The following SAMD3 variants were observed in gnomAD, a reference collection of about 807,000 sequenced individuals.
SAMD3 encodes sterile alpha motif domain containing 3, also known as sterile alpha motif domain-containing protein 3.
In SAMD3, 63 loss-of-function variants were observed where a neutral mutation model predicts 58.5. That is an observed-to-expected ratio of 1.08 (90% confidence interval 0.88 to 1.33). The LOEUF (loss-of-function observed/expected upper bound fraction) is 1.33, where lower values mean the gene tolerates loss of function less well. Among genes scored for constraint, SAMD3 ranks in the 40% most tolerant of loss-of-function variants. SAMD3 has a pLI of 0.00. For missense variants in SAMD3, 604 were observed against 608.4 expected, an observed-to-expected ratio of 0.99 and a Z score of 0.08; for synonymous variants, 220 against 210.3, an observed-to-expected ratio of 1.05 and a Z score of -0.40.
At chr6:130,317,795 G>A (rs539298253) in intron 1 of SAMD3, among the ~76,000 whole-genome samples, 8 of 152,332 alleles carry the variant, frequency 5.3e-5, no homozygotes, top group African/African-American at 1.7e-4. Flanking sequence ...CTGGAGAGAT[G>A]AGAAATAAGC....
intron 8 of SAMD3, among the ~76,000 whole-genome samples, chr6:130,162,767 C>T (rs909497559): frequency 6.6e-6 from 1 of 152,158 alleles, no homozygotes; most frequent in African/African-American, 2.4e-5. Context: ...GGACATACTC[C>T]TGGCTAACTA....
At chr6:130,186,767 ATTTTTTTTT>A (rs35592601) in intron 5 of SAMD3, among the ~76,000 whole-genome samples, 1 of 107,036 alleles carries the variant, frequency 9.3e-6, no homozygotes, top group South Asian at 3.3e-4. Flanking sequence ...CCTTCCTGGG[ATTTTTTTTT>A]TTTTTTTTTT....
At chr6:130,258,585 A>C (rs1362258592) in intron 2 of SAMD3, among the ~76,000 whole-genome samples, 1 of 152,200 alleles carries the variant, frequency 6.6e-6, no homozygotes, top group Non-Finnish European at 1.5e-5. Context: ...TTATCACAAC[A>C]ATCAAGATAA....
chr6:130,305,376 T>G (rs939004055), intron 2 of SAMD3, among the ~76,000 whole-genome samples: 9 of 152,190 alleles, frequency 5.9e-5, no homozygotes, highest in African/African-American at 2.2e-4. Flanking sequence ...ATAGTATTTG[T>G]TCTCAATTTT....
intron 2 of SAMD3, among the ~76,000 whole-genome samples, chr6:130,263,666 A>G (rs865911675): frequency 1.3e-5 from 2 of 152,200 alleles, no homozygotes; most frequent in African/African-American, 4.8e-5. Flanking sequence ...AACATAACCA[A>G]GTCAATTTCG....
chr6:130,276,278 G>A (rs1774772972), intron 2 of SAMD3, among the ~76,000 whole-genome samples: 1 of 152,150 alleles, frequency 6.6e-6, no homozygotes, highest in South Asian at 2.1e-4. Flanking sequence ...TCTGATTCCA[G>A]AGTTCTGACT....
intron 5 of SAMD3, among the ~76,000 whole-genome samples, chr6:130,191,896 T>C (rs907538961): frequency 8.5e-5 from 13 of 152,360 alleles, no homozygotes; most frequent in African/African-American, 3.1e-4. Flanking sequence ...TCAGATCCAG[T>C]CCAGACACAA....
At chr6:130,317,029 G>A (rs1011052028) in intron 1 of SAMD3, among the ~76,000 whole-genome samples, 2 of 152,152 alleles carry the variant, frequency 1.3e-5, no homozygotes, top group Non-Finnish European at 2.9e-5. Flanking sequence ...TCTGACTCCT[G>A]GTCTGTGGAT....
chr6:130,258,143 T>A (rs976550319), intron 2 of SAMD3, among the ~76,000 whole-genome samples: 11 of 152,190 alleles, frequency 7.2e-5, no homozygotes, highest in Non-Finnish European at 1.6e-4. Context: ...TAAGCTGTTT[T>A]GAACATTCTT....
chr6:130,157,050 A>T (rs1789844161), intron 8 of SAMD3, among the ~76,000 whole-genome samples: 1 of 151,242 alleles, frequency 6.6e-6, no homozygotes, highest in African/African-American at 2.4e-5. Context: ...AGCCTAGGCA[A>T]CAGAGTGAGA....
chr6:130,276,853 T>C (rs537510976), intron 2 of SAMD3, among the ~76,000 whole-genome samples: 5 of 152,216 alleles, frequency 3.3e-5, no homozygotes, highest in Admixed American at 3.3e-4. Context: ...GAATGGGTGC[T>C]GCTGATTGGT....
chr6:130,275,790 T>C (rs1461184131), intron 2 of SAMD3, among the ~76,000 whole-genome samples: 7 of 152,174 alleles, frequency 4.6e-5, no homozygotes, highest in Non-Finnish European at 7.4e-5. Context: ...ATTATTTACA[T>C]TTACAATCCA....
chr6:130,236,927 A>G (rs982160752), intron 2 of SAMD3, among the ~76,000 whole-genome samples: 1 of 152,314 alleles, frequency 6.6e-6, no homozygotes, highest in East Asian at 1.9e-4. Flanking sequence ...GAAACTAACA[A>G]AAGATTCAGC....
Position 130,213,355 on chromosome 6 carries a change from C to A in SAMD3, c.269+982G>T, listed in dbSNP as rs561395008. Among the ~76,000 whole-genome samples the A allele has an allele frequency of 1.9e-3, 291 of 151,768 alleles. 1 individual carries two copies. Among genetic ancestry groups the A allele is most frequent in the African/African-American group, 6.9e-3 (287 of 41,388 alleles). On this transcript the variant is annotated intron_variant, in intron 4 of 11. Coordinates refer to ENST00000439090, the MANE Select transcript of SAMD3 (RefSeq NM_001017373.4). ...AAAATCAATTAGTAGAATTTCCATT[C>A]CAGCTCTATACCATCCCTTCAAGGC... is the stretch of plus-strand genomic sequence containing the variant.
rs1436370585 is a variant in SAMD3, at chr6:130,184,132, G to C, written c.625C>G (p.Pro209Ala). 6 of 1,613,950 alleles carry C rather than the reference G, an allele frequency of 3.7e-6. No individual in the cohort carries two copies. Among genetic ancestry groups the C allele is most frequent in the South Asian group, 3.3e-5 (3 of 91,056 alleles). ...DVVNALLQAH[P>A]FLDEDGCGFF... The stretch of plus-strand genomic sequence containing the variant: ...CCACAGCCATCCTCATCCAGGAAAG[G>C]GTGGGCCTGCAGCAGGGCATTAACC... The change falls in exon 7 of 12, where the codon CCT becomes GCT. Residue 209 changes from proline to alanine, a missense_variant. By Grantham distance (27) the Pro-to-Ala change is conservative. Transcript: ENST00000439090.
rs371432532 is a variant in SAMD3 at position 130,144,549 on chromosome 6, C to T, written c.1534G>A (p.Glu512Lys). ...GTGAGTGGGTGCTGAAATCCTACTT[C>T]GTTTTCCTTTTCTTTCAAAGAAGGA... ...YFPSLKEKEN[E>K]VGFQHPLT Residue 512 changes from glutamate to lysine, a missense_variant, in exon 12 of 12, where the codon GAA (glutamate) becomes AAA (lysine). By Grantham distance (56) the Glu-to-Lys change is moderately conservative. Coordinates refer to ENST00000439090, the MANE Select transcript of SAMD3 (RefSeq NM_001017373.4). 2.5e-6 allele frequency: 4 copies of T among 1,613,834 alleles called. No homozygotes were observed. Among genetic ancestry groups the T allele is most frequent in the African/African-American group, 1.3e-5 (1 of 74,896 alleles).
At chr6:130,174,734 T>A (rs563072417) in intron 8 of SAMD3, among the ~76,000 whole-genome samples, 1 of 152,364 alleles carries the variant, frequency 6.6e-6, no homozygotes, top group South Asian at 2.1e-4. Flanking sequence ...AAGTTTCTTT[T>A]AGGGCACCTT....
intron 2 of SAMD3, among the ~76,000 whole-genome samples, chr6:130,310,004 T>C (rs936837844): frequency 3.9e-5 from 6 of 152,194 alleles, no homozygotes; most frequent in African/African-American, 7.2e-5. Flanking sequence ...ATTAAGTTAA[T>C]ACCTGTTTCT....
At chr6:130,309,049 C>T (rs555654669) in intron 2 of SAMD3, among the ~76,000 whole-genome samples, 1 of 152,282 alleles carries the variant, frequency 6.6e-6, no homozygotes, top group Non-Finnish European at 1.5e-5. Context: ...GGTTTGGCTA[C>T]AACTTTCAGC....
Sources: allele counts gnomAD v4.1 joint callset (sites outside exome capture counted in the v4.1 genomes callset), GRCh38; gene constraint gnomAD v4.1.1; transcripts MANE v1.5; gene names NCBI Gene and HGNC (gene_info 2026-07-23, HGNC 2026-07-21).